Variants in TAMM41 observed in about 807,000 individuals in gnomAD.
TAMM41 encodes the protein TAM41 mitochondrial translocator assembly and maintenance homolog.
TAMM41 carries 36 observed loss-of-function variants against 44.1 expected under a neutral mutation model. The observed-to-expected ratio is 0.82, with a 90% confidence interval of 0.63 to 1.08. The LOEUF is 1.08. Ranked by LOEUF, TAMM41 falls within the 50% of genes least tolerant of loss-of-function variation. TAMM41 has a pLI of 0.00. For missense variants in TAMM41, 417 were observed against 404.3 expected, an observed-to-expected ratio of 1.03 and a Z score of -0.27; for synonymous variants, 164 against 153.1, an observed-to-expected ratio of 1.07 and a Z score of -0.53.
intron 7 of TAMM41, among the ~76,000 whole-genome samples, chr3:11,797,284 G>C (rs1022229724): frequency 1.3e-5 from 2 of 152,092 alleles, no homozygotes; most frequent in African/African-American, 4.8e-5. Context: ...GCATGGTGCT[G>C]GTACAAAAAC....
At chr3:11,829,532 TGTG>T (rs2078895602) in intron 4 of TAMM41, among the ~76,000 whole-genome samples, 179 bp downstream of exon 4, 1 of 152,072 alleles carries the variant, frequency 6.6e-6, no homozygotes, top group African/African-American at 2.4e-5. Flanking sequence ...AGCATGGAGA[TGTG>T]GAGAGGGGAC....
At chr3:11,744,975 C>T in the TAMM41 span, among the ~76,000 whole-genome samples, 68 of 151,958 alleles carry the variant, frequency 4.5e-4, no homozygotes, top group African/African-American at 1.6e-3. Flanking sequence ...GCGATTCTCC[C>T]GCCTCAGCCG....
At chr3:11,744,056 C>A in the TAMM41 span, among the ~76,000 whole-genome samples, 2 of 152,086 alleles carry the variant, frequency 1.3e-5, no homozygotes, top group Non-Finnish European at 2.9e-5. Flanking sequence ...AATGGAGTAA[C>A]ACTTAAAATT....
At chr3:11,802,241 G>C (rs534841935) in intron 7 of TAMM41, among the ~76,000 whole-genome samples, 40 of 152,134 alleles carry the variant, frequency 2.6e-4, no homozygotes, top group Non-Finnish European at 4.4e-4. Context: ...AAGAAAAGTT[G>C]GTTCTTTGAA....
At chr3:11,794,159 T>A (rs1409566475) in intron 7 of TAMM41, among the ~76,000 whole-genome samples, 2 of 151,864 alleles carry the variant, frequency 1.3e-5, no homozygotes, top group Non-Finnish European at 2.9e-5. Context: ...TTTTTTTTTT[T>A]TTTTTTTTAC....
chr3:11,809,454 CACAA>C lies in TAMM41; in HGVS notation c.874+59_874+62del, dbSNP rs763825870. 31 of 1,581,722 alleles carry C rather than the reference CACAA, an allele frequency of 2.0e-5. No homozygotes were observed. In the South Asian group the frequency reaches 2.4e-4, roughly 12 times the overall value. ...AAAGGAAGAAATAATACATTCCAAT[CACAA>C]ACAAAGTCTGCTTTTCCCCATGGCT... On this transcript the variant is annotated intron_variant, in intron 6 of 7. Coordinates refer to ENST00000455809, the MANE Select transcript of TAMM41 (RefSeq NM_001284401.2).
chr3:11,744,358 A>G, the TAMM41 span, among the ~76,000 whole-genome samples: 24 of 151,016 alleles, frequency 1.6e-4, no homozygotes, highest in African/African-American at 4.1e-4. Context: ...GTGAGCCACC[A>G]TGCCCGGCCA....
At chr3:11,794,363 C>T (rs2077557104) in intron 7 of TAMM41, among the ~76,000 whole-genome samples, 3 of 152,070 alleles carry the variant, frequency 2.0e-5, no homozygotes. Flanking sequence ...GTCTTGAACC[C>T]TTGGCCTCAA....
chr3:11,723,520 A>T, the TAMM41 span, among the ~76,000 whole-genome samples: 1 of 151,502 alleles, frequency 6.6e-6, no homozygotes, highest in African/African-American at 2.4e-5. Flanking sequence ...AGTTGAGGCT[A>T]CAGTGATCTG....
the TAMM41 span, among the ~76,000 whole-genome samples, chr3:11,766,736 T>C: frequency 6.6e-6 from 1 of 151,532 alleles, no homozygotes; most frequent in Non-Finnish European, 1.5e-5. Flanking sequence ...CTGGCAAATT[T>C]TTTTTACTTT....
intron 5 of TAMM41, among the ~76,000 whole-genome samples, chr3:11,813,029 T>C (rs1052989982): frequency 6.6e-6 from 1 of 152,344 alleles, no homozygotes; most frequent in East Asian, 1.9e-4. Context: ...GATGCGAAAC[T>C]AGATCATGCA....
chr3:11,762,801 T>A, the TAMM41 span, among the ~76,000 whole-genome samples: 1 of 152,232 alleles, frequency 6.6e-6, no homozygotes, highest in Non-Finnish European at 1.5e-5. Context: ...GGCTCACTCC[T>A]GTAATCCCAG....
chr3:11,769,826 A>G, the TAMM41 span, among the ~76,000 whole-genome samples: 1 of 152,324 alleles, frequency 6.6e-6, no homozygotes, highest in Middle Eastern at 3.4e-3. Flanking sequence ...CTGTGCTGGA[A>G]AGTGTGACTA....
the TAMM41 span, among the ~76,000 whole-genome samples, chr3:11,762,973 G>A: frequency 6.6e-6 from 1 of 152,292 alleles, no homozygotes; most frequent in Non-Finnish European, 1.5e-5. Context: ...AGAAGGCGGA[G>A]GTTGCAGTAA....
At chr3:11,724,001 T>C in the TAMM41 span, among the ~76,000 whole-genome samples, 14 of 146,924 alleles carry the variant, frequency 9.5e-5, no homozygotes, top group African/African-American at 3.5e-4. Flanking sequence ...CAGTGGGGGA[T>C]GGGGGGGGGT....
At chr3:11,835,026 G>A (rs2125046444) in intron 3 of TAMM41, among the ~76,000 whole-genome samples, 1 of 152,210 alleles carries the variant, frequency 6.6e-6, no homozygotes, top group Middle Eastern at 3.4e-3. Context: ...AGTGATTGAG[G>A]AATTCTATTT....
the TAMM41 span, among the ~76,000 whole-genome samples, chr3:11,770,299 T>C: frequency 6.6e-6 from 1 of 152,014 alleles, no homozygotes; most frequent in Admixed American, 6.6e-5. Flanking sequence ...AGTGGCCCCA[T>C]AAAAACATGC....
the TAMM41 span, among the ~76,000 whole-genome samples, chr3:11,736,457 T>C: frequency 6.6e-6 from 1 of 152,254 alleles, no homozygotes; most frequent in East Asian, 1.9e-4. Context: ...TAGCTTGTTT[T>C]GATAAATGTC....
At chr3:11,739,928 G>A in the TAMM41 span, among the ~76,000 whole-genome samples, 1 of 152,126 alleles carries the variant, frequency 6.6e-6, no homozygotes, top group Non-Finnish European at 1.5e-5. Context: ...CTGGCACAGA[G>A]CCTGACTCAG....
Sources: gnomAD v4.1 joint callset for allele counts (sites outside exome capture counted in the v4.1 genomes callset) on GRCh38, gnomAD v4.1.1 for gene constraint, MANE v1.5 for transcripts, NCBI Gene and HGNC (gene_info 2026-07-23, HGNC 2026-07-21) for gene names.